Variants in CA10 observed in about 807,000 individuals in gnomAD.
The protein encoded by CA10 is carbonic anhydrase-related protein 10.
A neutral mutation model predicts 44.2 loss-of-function variants in CA10; 14 were observed. That is an observed-to-expected ratio of 0.32 (90% CI 0.21 to 0.50). The LOEUF (loss-of-function observed/expected upper bound fraction) is 0.50. Among genes scored for constraint, CA10 ranks in the 20% least tolerant of loss-of-function variants. The pLI, the probability that CA10 is intolerant of heterozygous loss-of-function variation, is 0.99. For missense variants in CA10, 350 were observed against 409.7 expected, an observed-to-expected ratio of 0.85 and a Z score of 1.26; for synonymous variants, 159 against 141.6, an observed-to-expected ratio of 1.12 and a Z score of -0.87.
At chr17:51,873,060 T>C (rs1015601112) in intron 3 of CA10, among the ~76,000 whole-genome samples, 1 of 152,240 alleles carries the variant, frequency 6.6e-6, no homozygotes, top group African/African-American at 2.4e-5. Flanking sequence ...TGCTGGAGTT[T>C]AGTTTCTAAG....
chr17:51,765,500 T>A (rs539852773), intron 3 of CA10, among the ~76,000 whole-genome samples: 6 of 152,226 alleles, frequency 3.9e-5, no homozygotes, highest in Non-Finnish European at 8.8e-5. Context: ...CGTGGAGCTG[T>A]ACTTACTGTC....
intron 2 of CA10, among the ~76,000 whole-genome samples, chr17:52,044,336 C>G (rs539145972): frequency 1.4e-4 from 21 of 152,172 alleles, no homozygotes; most frequent in African/African-American, 5.1e-4. Context: ...CAGGGTCTCC[C>G]TCTGTTGCCC....
At chr17:51,696,450 T>G (rs974600094) in intron 4 of CA10, among the ~76,000 whole-genome samples, 2 of 152,214 alleles carry the variant, frequency 1.3e-5, no homozygotes, top group Admixed American at 1.3e-4. Context: ...TCGCAGTTTC[T>G]GATTGTGCTT....
chr17:51,814,047 C>T (rs1484542308), intron 3 of CA10, among the ~76,000 whole-genome samples: 2 of 152,114 alleles, frequency 1.3e-5, no homozygotes, highest in Non-Finnish European at 2.9e-5. Flanking sequence ...GCTCAGAGTG[C>T]TTTGGTATTT....
intron 2 of CA10, among the ~76,000 whole-genome samples, chr17:51,971,855 C>T (rs535449469): frequency 2.0e-5 from 3 of 151,674 alleles, no homozygotes; most frequent in Admixed American, 6.6e-5. Context: ...AAATATTTTT[C>T]TTAGAAATTA....
At chr17:52,060,975 C>T (rs147679589) in intron 2 of CA10, among the ~76,000 whole-genome samples, 6 of 152,118 alleles carry the variant, frequency 3.9e-5, no homozygotes, top group Non-Finnish European at 7.4e-5. Flanking sequence ...ATGAGTAAAC[C>T]AGTACTGACA....
chr17:51,875,842 C>A (rs573892800), intron 3 of CA10, among the ~76,000 whole-genome samples: 7 of 152,194 alleles, frequency 4.6e-5, no homozygotes, highest in Non-Finnish European at 8.8e-5. Flanking sequence ...ACACTTCTTA[C>A]TCCTGGAGAC....
At chr17:51,903,556 C>T (rs557871175) in intron 3 of CA10, among the ~76,000 whole-genome samples, 1 of 152,054 alleles carries the variant, frequency 6.6e-6, no homozygotes, top group African/African-American at 2.4e-5. Context: ...AACATTAGAT[C>T]CCAACCTGAA....
intron 8 of CA10, among the ~76,000 whole-genome samples, chr17:51,633,050 C>T (rs2143201366): frequency 6.6e-6 from 1 of 152,282 alleles, no homozygotes; most frequent in East Asian, 1.9e-4. Context: ...TTTTCACTGT[C>T]CTGTTCTAAC....
At chr17:52,103,802 G>T (rs187064731) in intron 1 of CA10, among the ~76,000 whole-genome samples, 1 of 152,116 alleles carries the variant, frequency 6.6e-6, no homozygotes, top group African/African-American at 2.4e-5. Flanking sequence ...TCTCCTTACC[G>T]CAAGAGGCAG....
At chr17:51,924,806 G>T (rs766024895) in intron 3 of CA10, among the ~76,000 whole-genome samples, 2 of 152,102 alleles carry the variant, frequency 1.3e-5, no homozygotes, top group South Asian at 4.1e-4. Context: ...GGTTATAAAC[G>T]GTCCCTCTAT....
intron 3 of CA10, among the ~76,000 whole-genome samples, chr17:51,824,970 A>G (rs1027766885): frequency 2.0e-5 from 3 of 152,220 alleles, no homozygotes; most frequent in African/African-American, 7.2e-5. Context: ...ACCACTGTCT[A>G]TACTGCCTGC....
At chr17:51,641,551 A>AT (rs1913087559) in intron 6 of CA10, among the ~76,000 whole-genome samples, 1 of 152,174 alleles carries the variant, frequency 6.6e-6, no homozygotes, top group African/African-American at 2.4e-5. Flanking sequence ...TAAGTGTAGA[A>AT]TATATGTGTG....
intron 1 of CA10, among the ~76,000 whole-genome samples, chr17:52,101,759 G>A (rs1014570504): frequency 6.6e-6 from 1 of 152,208 alleles, no homozygotes; most frequent in Non-Finnish European, 1.5e-5. Context: ...TCTGGGGTGT[G>A]TATTCTTCTC....
At chr17:51,775,315 GGT>G (rs1211510612) in intron 3 of CA10, among the ~76,000 whole-genome samples, 1 of 152,090 alleles carries the variant, frequency 6.6e-6, no homozygotes, top group African/African-American at 2.4e-5. Flanking sequence ...TTGGGGTGAT[GGT>G]GTGGACAATG....
chr17:52,085,455 T>C (rs957981698), intron 1 of CA10, among the ~76,000 whole-genome samples: 1 of 152,206 alleles, frequency 6.6e-6, no homozygotes, highest in African/African-American at 2.4e-5. Context: ...ACCAGCTATT[T>C]ACACAGCCAG....
chr17:52,125,437 A>G (rs959292743), intron 1 of CA10, among the ~76,000 whole-genome samples: 6 of 152,198 alleles, frequency 3.9e-5, no homozygotes, highest in Non-Finnish European at 2.9e-5. Flanking sequence ...CTATCAAGGA[A>G]AACAGTCCCA....
intron 4 of CA10, among the ~76,000 whole-genome samples, chr17:51,654,053 A>C (rs950352177): frequency 6.6e-6 from 1 of 152,218 alleles, no homozygotes; most frequent in African/African-American, 2.4e-5. Context: ...AATTTTCCTT[A>C]TTAGGAACGG....
chr17:52,019,698 A>C (rs542002906), intron 2 of CA10, among the ~76,000 whole-genome samples: 3 of 152,212 alleles, frequency 2.0e-5, no homozygotes, highest in African/African-American at 7.2e-5. Flanking sequence ...ACACTAAAAA[A>C]TAGAACATTA....
Sources: allele counts gnomAD v4.1 joint callset (sites outside exome capture counted in the v4.1 genomes callset), GRCh38; gene constraint gnomAD v4.1.1; transcripts MANE v1.5; gene names NCBI Gene and HGNC (gene_info 2026-07-23, HGNC 2026-07-21).